The following NT5DC1 variants were observed in gnomAD, a reference collection of about 807,000 sequenced individuals.
The protein encoded by NT5DC1 is 5'-nucleotidase domain containing 1.
In NT5DC1, 42 loss-of-function variants were observed where a neutral mutation model predicts 59.4. The ratio of observed to expected loss-of-function variants is 0.71; its 90% CI spans 0.55 to 0.92. NT5DC1 has a LOEUF of 0.92. Among genes scored for constraint, NT5DC1 ranks in the 40% least tolerant of loss-of-function variants. NT5DC1 has a pLI of 0.00. For missense variants in NT5DC1, 501 were observed against 537.1 expected (o/e 0.93, Z 0.66); for synonymous variants, 172 against 188.1 (o/e 0.91, Z 0.70).
intron 6 of NT5DC1, among the ~76,000 whole-genome samples, chr6:116,154,658 AT>A (rs71554840): frequency 0.23 from 35,596 of 152,070 alleles, 4,444 homozygotes; most frequent in Middle Eastern, 0.35. Flanking sequence ...GATTAATTTA[AT>A]TATGAAAGGG....
At chr6:116,187,756 A>G (rs1403950337) in intron 6 of NT5DC1, among the ~76,000 whole-genome samples, 4 of 152,124 alleles carry the variant, frequency 2.6e-5, no homozygotes, top group Non-Finnish European at 4.4e-5. Flanking sequence ...CAGTAAAGCT[A>G]TCAGAAGAAA....
intron 6 of NT5DC1, among the ~76,000 whole-genome samples, chr6:116,182,222 A>AGTGTGTGTGT (rs35883565): frequency 0.029 from 3,611 of 124,614 alleles, 145 homozygotes; most frequent in African/African-American, 0.098. Flanking sequence ...TTCCATGGAG[A>AGTGTGTGTGT]GTGTGTGTGT....
chr6:116,101,064 C>T (rs1339381193), intron 1 of NT5DC1, 41 bp downstream of exon 1: 12 of 1,434,650 alleles, frequency 8.4e-6, no homozygotes, highest in East Asian at 2.5e-5. Flanking sequence ...GCGCAACCTC[C>T]ATGGCGGCTG....
At chr6:116,186,439 G>C (rs2114483742) in intron 6 of NT5DC1, among the ~76,000 whole-genome samples, 1 of 152,028 alleles carries the variant, frequency 6.6e-6, no homozygotes, top group South Asian at 2.1e-4. Context: ...CAAGGCTGGG[G>C]AAGTTGTCCT....
chr6:116,120,013 G>T, intron 6 of NT5DC1: 4 of 1,375,262 alleles, frequency 2.9e-6, no homozygotes, highest in Non-Finnish European at 4.1e-6. Context: ...ATTTTGTAGG[G>T]TGGGGTAGAG....
At chr6:116,145,413 T>G (rs1398542695) in intron 6 of NT5DC1, 1 of 346,644 alleles carries the variant, frequency 2.9e-6, no homozygotes, top group African/African-American at 2.1e-5. Flanking sequence ...ATGCAAAACT[T>G]TTTCTGTTCT....
chr6:116,122,487 A>C (rs1439144059), intron 6 of NT5DC1, among the ~76,000 whole-genome samples: 1 of 152,198 alleles, frequency 6.6e-6, no homozygotes, highest in Non-Finnish European at 1.5e-5. Flanking sequence ...CTGAGCTCTT[A>C]TACTCTCCAT....
At chr6:116,154,013 C>A in intron 6 of NT5DC1, among the ~76,000 whole-genome samples, 1 of 150,116 alleles carries the variant, frequency 6.7e-6, no homozygotes, top group Non-Finnish European at 1.5e-5. Context: ...ACAATACATG[C>A]CTAAAGGGAA....
intron 4 of NT5DC1, 135 bp from the exon 5 acceptor site, chr6:116,115,556 G>T (rs1430592057): frequency 7.2e-5 from 31 of 432,764 alleles, no homozygotes; most frequent in Non-Finnish European, 6.3e-5. Context: ...GCCAATAATG[G>T]TGCCACTTTG....
At chr6:116,170,552 G>A (rs141331917) in intron 6 of NT5DC1, among the ~76,000 whole-genome samples, 14 of 152,234 alleles carry the variant, frequency 9.2e-5, no homozygotes, top group African/African-American at 3.1e-4. Context: ...CTCATAATAA[G>A]TAATCAGTGC....
At chr6:116,202,141 G>A (rs985100102) in intron 6 of NT5DC1, among the ~76,000 whole-genome samples, 2 of 151,954 alleles carry the variant, frequency 1.3e-5, no homozygotes, top group Non-Finnish European at 2.9e-5. Context: ...AGCCACGTGT[G>A]GCCCATACCT....
chr6:116,200,092 T>C (rs1781315941), intron 6 of NT5DC1, among the ~76,000 whole-genome samples: 1 of 151,952 alleles, frequency 6.6e-6, no homozygotes, highest in Non-Finnish European at 1.5e-5. Flanking sequence ...CCCTTAATAG[T>C]ATATACCCTT....
intron 6 of NT5DC1, among the ~76,000 whole-genome samples, chr6:116,175,735 G>A (rs1780720299): frequency 6.6e-6 from 1 of 152,098 alleles, no homozygotes; most frequent in African/African-American, 2.4e-5. Flanking sequence ...CCTCATCTCA[G>A]ATACTGTCTT....
At chr6:116,121,469 G>T (rs1431514346) in intron 6 of NT5DC1, 1 of 1,614,138 alleles carries the variant, frequency 6.2e-7, no homozygotes, top group African/African-American at 1.3e-5. Flanking sequence ...CACTCCAGGA[G>T]GGCCAGATGG....
At chr6:116,125,447 C>T in intron 6 of NT5DC1, 1 of 1,613,836 alleles carries the variant, frequency 6.2e-7, no homozygotes, top group Non-Finnish European at 8.5e-7. Flanking sequence ...ACTCCATGAA[C>T]CAAGTTCAAG....
chr6:116,138,631 G>T (rs1392071417), intron 6 of NT5DC1, among the ~76,000 whole-genome samples: 2 of 152,024 alleles, frequency 1.3e-5, no homozygotes, highest in Non-Finnish European at 2.9e-5. Context: ...GGACATCATG[G>T]CTTGTTATAA....
intron 2 of NT5DC1, among the ~76,000 whole-genome samples, chr6:116,106,537 C>G (rs1355085574): frequency 6.6e-6 from 1 of 151,954 alleles, no homozygotes; most frequent in Non-Finnish European, 1.5e-5. Context: ...TTTAGACTTG[C>G]CTAATTAAAT....
chr6:116,225,167 A>AG (rs1368730245), intron 8 of NT5DC1, among the ~76,000 whole-genome samples: 1 of 152,208 alleles, frequency 6.6e-6, no homozygotes, highest in Non-Finnish European at 1.5e-5. Flanking sequence ...TGTGTGGAGT[A>AG]GGGGTTATAT....
In NT5DC1 at chr6:116,148,539, A is replaced by C. The variant is rs931435096; in HGVS notation, c.529+30594A>C. Among the ~76,000 whole-genome samples the C allele has an allele frequency of 2.0e-5, 3 of 152,156 alleles. No homozygotes were observed. The East Asian group carries it at 5.8e-4, about 29-fold the overall frequency. ...ATCGTCACTGTGGATGTTGATTTTC[A>C]TTGTACTCAGAATGTGAACATGTTA... On this transcript the variant is annotated intron_variant, in intron 6 of 11. Coordinates refer to ENST00000319550, the MANE Select transcript of NT5DC1 (RefSeq NM_152729.3).
Sources: allele counts gnomAD v4.1 joint callset (sites outside exome capture counted in the v4.1 genomes callset), GRCh38; gene constraint gnomAD v4.1.1; transcripts MANE v1.5; gene names NCBI Gene and HGNC (gene_info 2026-07-23, HGNC 2026-07-21).